Variants in FAM53A observed in about 807,000 individuals in gnomAD.
The protein encoded by FAM53A is family with sequence similarity 53 member A, also known as protein FAM53A.
A neutral mutation model predicts 26.6 loss-of-function variants in FAM53A; 28 were observed. The observed-to-expected ratio is 1.05, with a 90% CI of 0.78 to 1.45. The LOEUF is 1.45. Among genes scored for constraint, FAM53A ranks in the 40% most tolerant of loss-of-function variants. The pLI, the probability that FAM53A is intolerant of heterozygous loss-of-function variation, is 0.00. For synonymous variants in FAM53A, 290 were observed against 253.1 expected (o/e 1.15, Z -1.38); for missense variants, 650 against 575.8 (o/e 1.13, Z -1.32).
chr4:1,643,445 G>A (rs1711940151), intron 4 of FAM53A, among the ~76,000 whole-genome samples: 1 of 151,872 alleles, frequency 6.6e-6, no homozygotes, highest in Admixed American at 6.6e-5. Flanking sequence ...CAGCCTGGGA[G>A]ACAGAGTGAG....
chr4:1,680,368 C>A (rs1715351451), intron 1 of FAM53A, among the ~76,000 whole-genome samples: 1 of 144,938 alleles, frequency 6.9e-6, no homozygotes, highest in South Asian at 2.2e-4. Flanking sequence ...CACAAGGTAC[C>A]ACTACACACC....
chr4:1,653,312 C>T (rs572539601), intron 4 of FAM53A, among the ~76,000 whole-genome samples: 8 of 152,338 alleles, frequency 5.3e-5, no homozygotes, highest in African/African-American at 1.9e-4. Context: ...CACTGAGCCC[C>T]ATGCAGCCTC....
the FAM53A span, among the ~76,000 whole-genome samples, chr4:1,595,200 A>AC: frequency 6.6e-6 from 1 of 152,070 alleles, no homozygotes; most frequent in Non-Finnish European, 1.5e-5. Flanking sequence ...GCCCACAGGG[A>AC]CCCCCGCCCA....
At chr4:1,661,918 A>C (rs528382938) in intron 2 of FAM53A, among the ~76,000 whole-genome samples, 1 of 152,180 alleles carries the variant, frequency 6.6e-6, no homozygotes, top group Admixed American at 6.5e-5. Context: ...CGCCGGACGG[A>C]TCTCCAGGGA....
At chr4:1,604,516 GC>G in the FAM53A span, among the ~76,000 whole-genome samples, 2 of 152,070 alleles carry the variant, frequency 1.3e-5, no homozygotes, top group East Asian at 1.9e-4. Context: ...ACCCCAGGGA[GC>G]CCCCCACTCA....
intron 1 of FAM53A, among the ~76,000 whole-genome samples, chr4:1,631,192 GGAGCGGGGCT>G (rs1262949952): frequency 3.0e-4 from 46 of 152,244 alleles, no homozygotes; most frequent in Non-Finnish European, 6.3e-4. Context: ...CATACGACTT[GGAGCGGGGCT>G]GAGGCAGGCG....
chr4:1,586,329 G>C, the FAM53A span, among the ~76,000 whole-genome samples: 1 of 151,884 alleles, frequency 6.6e-6, no homozygotes, highest in Non-Finnish European at 1.5e-5. Flanking sequence ...GAGTATCTAG[G>C]AGTACAGGCA....
chr4:1,618,368 T>C (rs1714886379), intron 1 of FAM53A, among the ~76,000 whole-genome samples: 2 of 152,190 alleles, frequency 1.3e-5, no homozygotes, highest in African/African-American at 4.8e-5. Context: ...AGGCCCGGAC[T>C]GGAACACCAG....
Position 1,659,410 on chromosome 4 carries a change from C to T in FAM53A, c.76-1942G>A, listed in dbSNP as rs949875644. On this transcript the variant is annotated intron_variant, in intron 2 of 4. Coordinates refer to ENST00000308132, the MANE Select transcript of FAM53A (RefSeq NM_001174070.3). The surrounding 1 kb of genome is among the most constrained non-coding windows in gnomAD (Gnocchi z 5.2). ...CACCCGTTCCCCGGGGCCACATGAA[C>T]AGCACCCAGCTCGACGCTGCCACGG... Among the ~76,000 whole-genome samples the T allele has an allele frequency of 6.6e-6, 1 of 152,270 alleles. No individual in the cohort carries two copies. The highest frequency in any genetic ancestry group is 1.5e-5 in the Non-Finnish European group (1 of 68,052).
At chr4:1,592,092 A>G in the FAM53A span, among the ~76,000 whole-genome samples, 1 of 151,988 alleles carries the variant, frequency 6.6e-6, no homozygotes, top group Non-Finnish European at 1.5e-5. Flanking sequence ...GATCGTTTCT[A>G]TTTGTTCTGT....
chr4:1,679,932 G>A (rs1249894099), intron 1 of FAM53A, among the ~76,000 whole-genome samples: 3 of 150,152 alleles, frequency 2.0e-5, no homozygotes, highest in Non-Finnish European at 3.0e-5. Flanking sequence ...GCCTGTAAGC[G>A]CAGCTACTCG....
chr4:1,583,245 G>T, the FAM53A span, among the ~76,000 whole-genome samples: 1 of 152,214 alleles, frequency 6.6e-6, no homozygotes, highest in South Asian at 2.1e-4. Context: ...CCAAGAGGAG[G>T]TGGGCGGAGT....
chr4:1,640,319 C>T lies in FAM53A; in HGVS notation c.*974G>A, dbSNP rs1035031502. ...GGGCACAGATGCCCATGCGCAAGCC[C>T]CAAGCACCGTGACCCGTCGGGAGGG... On this transcript the variant is annotated 3_prime_UTR_variant, in exon 5 of 5. Coordinates refer to ENST00000308132, the MANE Select transcript of FAM53A (RefSeq NM_001174070.3). The T allele has an allele frequency of 4.6e-6, 1 of 217,844 alleles. No homozygotes were observed. The highest frequency in any genetic ancestry group is 6.1e-5 in the South Asian group (1 of 16,480). 13.5% of individuals were successfully genotyped at this position (217,844 alleles called of 1,614,324 possible).
chr4:1,681,737 A>T (rs1715456141), intron 1 of FAM53A, among the ~76,000 whole-genome samples: 1 of 151,676 alleles, frequency 6.6e-6, no homozygotes, highest in African/African-American at 2.4e-5. Flanking sequence ...TCCTGGGCTC[A>T]AGTGATCCTC....
the FAM53A span, among the ~76,000 whole-genome samples, chr4:1,585,041 T>C: frequency 4.6e-5 from 7 of 152,218 alleles, no homozygotes; most frequent in Non-Finnish European, 1.0e-4. Context: ...TATGCATACA[T>C]TGTGGAATGG....
chr4:1,671,791 T>C (rs1714679920), intron 1 of FAM53A, among the ~76,000 whole-genome samples: 3 of 152,208 alleles, frequency 2.0e-5, no homozygotes, highest in Non-Finnish European at 4.4e-5. Flanking sequence ...ACCCTCCTGA[T>C]TGCACAAAGC....
the FAM53A span, among the ~76,000 whole-genome samples, chr4:1,597,857 G>T: frequency 6.6e-6 from 1 of 152,250 alleles, no homozygotes; most frequent in Non-Finnish European, 1.5e-5. Flanking sequence ...TTCGCCGGAT[G>T]TGGTGGCGGG....
chr4:1,592,304 C>G, the FAM53A span, among the ~76,000 whole-genome samples: 1 of 152,336 alleles, frequency 6.6e-6, no homozygotes, highest in East Asian at 1.9e-4. Flanking sequence ...CACGTCCACA[C>G]GCGGCCCCAT....
rs1490906011 is a variant in FAM53A, at chr4:1,655,196, G to C, written c.664C>G (p.Pro222Ala). ...ESCLPSTRRR[P>A]SLSQERLAGA... ...GCGAGTCGCTCCTGTGAGAGGGACGGGCGGCGCCTCGTGGAGGGCAAGCAG... is the reference window on the plus strand; with the variant it reads ...GCGAGTCGCTCCTGTGAGAGGGACGCGCGGCGCCTCGTGGAGGGCAAGCAG... Residue 222 changes from proline (P) to alanine (A), a missense_variant, in exon 4 of 5, where the codon CCG (proline) becomes GCG (alanine). Coordinates refer to ENST00000308132, the MANE Select transcript of FAM53A (RefSeq NM_001174070.3). 4.5e-6 allele frequency: 7 copies of C among 1,561,912 alleles called. No homozygotes were observed. In the Admixed American group the frequency reaches 7.5e-5, roughly 17 times the overall value.
Sources: gnomAD v4.1 joint callset for allele counts (sites outside exome capture counted in the v4.1 genomes callset) on GRCh38, gnomAD v4.1.1 for gene constraint, Gnocchi (gnomAD v3.1) non-coding constraint, MANE v1.5 for transcripts, NCBI Gene and HGNC (gene_info 2026-07-23, HGNC 2026-07-21) for gene names.